TEN1: variants seen among roughly 807,000 people sequenced by gnomAD.
TEN1 encodes CST complex subunit TEN1.
TEN1 carries 6 observed loss-of-function variants against 9.3 expected under a neutral mutation model. That is an observed-to-expected ratio of 0.65 (90% CI 0.35 to 1.27). TEN1 has a LOEUF of 1.27. Ranked by LOEUF, TEN1 falls within the 50% of genes most tolerant of loss-of-function variation. The pLI, the probability that TEN1 is intolerant of heterozygous loss-of-function variation, is 0.03. For missense variants in TEN1, 149 were observed against 158.2 expected, an observed-to-expected ratio of 0.94 and a Z score of 0.31; for synonymous variants, 65 against 65.6, an observed-to-expected ratio of 0.99 and a Z score of 0.04.
intron 3 of TEN1, among the ~76,000 whole-genome samples, chr17:75,996,205 G>A (rs1331464694): frequency 1.3e-5 from 2 of 152,156 alleles, no homozygotes; most frequent in Non-Finnish European, 2.9e-5. Flanking sequence ...AGCCTGGACG[G>A]CCGGGTGTGG....
chr17:76,000,098 A>T lies in TEN1; in HGVS notation c.251-43A>T. On this transcript the variant is annotated intron_variant, in intron 3 of 3. Coordinates refer to ENST00000397640, the MANE Select transcript of TEN1 (RefSeq NM_001113324.3). The surrounding 1 kb of genome is among the most constrained non-coding windows in gnomAD (Gnocchi z 5.9). Reference sequence around the variant, plus strand: ...ATGCACCTTGGAGGACGTTGTTGACACGCCGCTCAGTCGCCGTTCGTGCCC... The same window carrying T: ...ATGCACCTTGGAGGACGTTGTTGACTCGCCGCTCAGTCGCCGTTCGTGCCC... 6.5e-7 allele frequency: 1 copy of T among 1,542,380 alleles called. No homozygotes were observed. Among genetic ancestry groups the T allele is most frequent in the Non-Finnish European group, 8.8e-7 (1 of 1,140,714 alleles).
At chr17:75,987,021 C>T (rs1258191516) in intron 2 of TEN1, among the ~76,000 whole-genome samples, 7 of 152,078 alleles carry the variant, frequency 4.6e-5, no homozygotes, top group Non-Finnish European at 1.0e-4. Context: ...ACAGGGTATC[C>T]CTATATTCTC....
At chr17:75,984,612 TC>T (rs1214305744) in intron 1 of TEN1, 1 of 152,324 alleles carries the variant, frequency 6.6e-6, no homozygotes, top group African/African-American at 2.4e-5. Flanking sequence ...ACTCCTGAGC[TC>T]AAGTGATCTG....
At position 75,995,363 on chromosome 17, in the gene TEN1, C is replaced by A. The variant is rs1474587104; in HGVS notation, c.250+3740C>A. ...GAAATGTAGCAAGAGCCTGTCTCTACAAAATAATAAATAAGTAGAAATAAA... is the reference window on the plus strand; with the variant it reads ...GAAATGTAGCAAGAGCCTGTCTCTAAAAAATAATAAATAAGTAGAAATAAA... On this transcript the variant is annotated intron_variant, in intron 3 of 3. Transcript: ENST00000397640. Among the ~76,000 whole-genome samples the A allele has an allele frequency of 4.6e-5, 7 of 152,216 alleles. No individual in the cohort carries two copies. In the South Asian group the frequency reaches 1.0e-3, roughly 23 times the overall value.
At chr17:75,987,726 G>A (rs1429120258) in intron 2 of TEN1, among the ~76,000 whole-genome samples, 2 of 151,756 alleles carry the variant, frequency 1.3e-5, no homozygotes, top group African/African-American at 4.8e-5. Context: ...AGACTAGCCG[G>A]ACCAAAATGG....
At chr17:75,993,108 CTT>C (rs141385494) in intron 3 of TEN1, among the ~76,000 whole-genome samples, 21 of 128,446 alleles carry the variant, frequency 1.6e-4, no homozygotes, top group Admixed American at 1.6e-4. Flanking sequence ...AAAGTTATTT[CTT>C]TTTTTTTTTT....
chr17:75,988,577 A>AG (rs1179315938), intron 2 of TEN1, among the ~76,000 whole-genome samples: 3 of 149,760 alleles, frequency 2.0e-5, no homozygotes, highest in Admixed American at 6.6e-5. Flanking sequence ...AAAAAAAAAA[A>AG]AAAAAAAAAA....
chr17:75,991,740 G>A (rs1323179959), intron 3 of TEN1, 117 bp downstream of exon 3: 1 of 1,265,636 alleles, frequency 7.9e-7, no homozygotes, highest in Non-Finnish European at 1.1e-6. Flanking sequence ...CAGGGTTAAT[G>A]TTTCTTCCAA....
intron 3 of TEN1, among the ~76,000 whole-genome samples, chr17:75,992,764 G>A (rs547095121): frequency 2.0e-5 from 3 of 150,010 alleles, no homozygotes; most frequent in Admixed American, 6.7e-5. Flanking sequence ...CACCCGCCTC[G>A]GCCTCCCAAA....
At chr17:75,988,603 G>A (rs72865833) in intron 2 of TEN1, among the ~76,000 whole-genome samples, 30,262 of 139,682 alleles carry the variant, frequency 0.22, 3,367 homozygotes, top group Middle Eastern at 0.27. Flanking sequence ...GAAGAAGAAA[G>A]CAATATTTTA....
chr17:75,982,983 A>G (rs2066131178), intron 1 of TEN1, among the ~76,000 whole-genome samples: 1 of 76,922 alleles, frequency 1.3e-5, no homozygotes, highest in Non-Finnish European at 3.7e-5. Flanking sequence ...AAAAAAAAAG[A>G]AAGAAAAAAG....
At chr17:75,999,987 C>G (rs2066243884) in intron 3 of TEN1, among the ~76,000 whole-genome samples, 154 bp from the exon 4 acceptor site, 1 of 152,156 alleles carries the variant, frequency 6.6e-6, no homozygotes, top group Non-Finnish European at 1.5e-5. Flanking sequence ...GGCCCAAATA[C>G]TCAGTTGCCT....
rs985295213 is a variant in TEN1 at position 75,986,874 on chromosome 17, T to C, written c.92+590T>C. Among the ~76,000 whole-genome samples the C allele has an allele frequency of 3.9e-5, 6 of 152,302 alleles. No individual in the cohort carries two copies. The East Asian group carries it at 7.7e-4, about 20-fold the overall frequency. ...GTGATTATCCTCGTGCTTTTCCATATGTATGTGTTTGTATATGTGGGTGGG... is the reference window on the plus strand; with the variant it reads ...GTGATTATCCTCGTGCTTTTCCATACGTATGTGTTTGTATATGTGGGTGGG... On this transcript the variant is annotated intron_variant, in intron 2 of 3. Transcript: ENST00000397640.
chr17:75,986,773 A>T (rs764349351), intron 2 of TEN1, among the ~76,000 whole-genome samples: 38 of 151,922 alleles, frequency 2.5e-4, no homozygotes, highest in Non-Finnish European at 5.0e-4. Flanking sequence ...AAAAGTGTAG[A>T]TAGTCCATAA....
intron 1 of TEN1, among the ~76,000 whole-genome samples, chr17:75,980,575 T>C (rs2066110624): frequency 6.6e-6 from 1 of 151,738 alleles, no homozygotes; most frequent in Non-Finnish European, 1.5e-5. Flanking sequence ...TTATAGGGGC[T>C]CGCCACCACA....
intron 3 of TEN1, among the ~76,000 whole-genome samples, chr17:75,999,834 T>TTTTAAAAATTTAAAA: frequency 6.6e-6 from 1 of 152,054 alleles, no homozygotes; most frequent in Non-Finnish European, 1.5e-5. Flanking sequence ...ATTTTTAAAA[T>TTTTAAAAATTTAAAA]ATGGGTGTCT....
intron 2 of TEN1, among the ~76,000 whole-genome samples, chr17:75,987,536 C>A (rs1301394172): frequency 1.3e-5 from 2 of 152,294 alleles, no homozygotes; most frequent in East Asian, 3.9e-4. Context: ...CCTTACTCAG[C>A]ATCGTAGGGG....
chr17:75,999,111 C>T (rs544367735), intron 3 of TEN1, among the ~76,000 whole-genome samples: 7 of 152,010 alleles, frequency 4.6e-5, no homozygotes, highest in Admixed American at 6.6e-5. Context: ...GTTGGGAGGC[C>T]GAGGCGGGCA....
At chr17:75,990,777 C>T (rs1598213808) in intron 2 of TEN1, among the ~76,000 whole-genome samples, 1 of 134,664 alleles carries the variant, frequency 7.4e-6, no homozygotes, top group Admixed American at 7.6e-5. Context: ...GTCAAGGCTG[C>T]AGCCTGGGAT....
Sources: gnomAD v4.1 joint callset for allele counts (sites outside exome capture counted in the v4.1 genomes callset) on GRCh38, gnomAD v4.1.1 for gene constraint, Gnocchi (gnomAD v3.1) non-coding constraint, MANE v1.5 for transcripts, NCBI Gene and HGNC (gene_info 2026-07-23, HGNC 2026-07-21) for gene names.